Variants in POM121C observed in about 807,000 individuals in gnomAD.
The protein encoded by POM121C is POM121 transmembrane nucleoporin C.
A neutral mutation model predicts 66.4 loss-of-function variants in POM121C; 20 were observed. The observed-to-expected ratio is 0.30, with a 90% CI of 0.21 to 0.44. The LOEUF (loss-of-function observed/expected upper bound fraction) is 0.44, where lower values mean the gene tolerates loss of function less well. Among genes scored for constraint, POM121C ranks in the 20% least tolerant of loss-of-function variants. The pLI is 1.00. For synonymous variants in POM121C, 286 were observed against 528.0 expected, an observed-to-expected ratio of 0.54 and a Z score of 6.28; for missense variants, 580 against 1,225.7, an observed-to-expected ratio of 0.47 and a Z score of 7.87.
intron 3 of POM121C, among the ~76,000 whole-genome samples, chr7:75,464,512 T>C (rs1236898967): frequency 6.7e-6 from 1 of 149,972 alleles, no homozygotes; most frequent in Non-Finnish European, 1.5e-5. Flanking sequence ...GGTGGGAGAA[T>C]TGCCTGAGCA....
At chr7:75,479,035 G>A (rs1792202052) in intron 1 of POM121C, among the ~76,000 whole-genome samples, 2 of 151,124 alleles carry the variant, frequency 1.3e-5, no homozygotes, top group African/African-American at 4.9e-5. Flanking sequence ...GAACAAACAT[G>A]AGTATGAGAT....
intron 3 of POM121C, among the ~76,000 whole-genome samples, chr7:75,444,218 T>C (rs1335074663): frequency 2.5e-5 from 3 of 120,854 alleles, no homozygotes; most frequent in Non-Finnish European, 4.9e-5. Flanking sequence ...TTCTATTTAA[T>C]ATACTGTGAC....
chr7:75,461,289 A>G (rs1791433066), intron 3 of POM121C, among the ~76,000 whole-genome samples: 1 of 152,146 alleles, frequency 6.6e-6, no homozygotes, highest in African/African-American at 2.4e-5. Flanking sequence ...AGCAAACAAT[A>G]CAATAACTGA....
At chr7:75,451,244 G>T (rs1179261197) in intron 3 of POM121C, among the ~76,000 whole-genome samples, 2 of 151,532 alleles carry the variant, frequency 1.3e-5, no homozygotes, top group African/African-American at 4.9e-5. Context: ...AAGAACAAAG[G>T]TGGAGGCATA....
intron 3 of POM121C, among the ~76,000 whole-genome samples, chr7:75,456,117 T>C (rs1209552213): frequency 6.6e-6 from 1 of 152,154 alleles, no homozygotes; most frequent in Non-Finnish European, 1.5e-5. Flanking sequence ...CGTGAACCTG[T>C]AGTCCCAGCT....
At chr7:75,477,114 C>A (rs1156408720) in intron 1 of POM121C, among the ~76,000 whole-genome samples, 1 of 149,314 alleles carries the variant, frequency 6.7e-6, no homozygotes, top group Non-Finnish European at 1.5e-5. Flanking sequence ...CGTGTATACA[C>A]ACACACACAC....
At chr7:75,482,819 C>T (rs1792360373) in intron 1 of POM121C, among the ~76,000 whole-genome samples, 1 of 152,080 alleles carries the variant, frequency 6.6e-6, no homozygotes, top group Non-Finnish European at 1.5e-5. Context: ...TTGGAAGTAA[C>T]GGATGTCAAA....
chr7:75,465,697 G>A (rs1217225530), intron 3 of POM121C, among the ~76,000 whole-genome samples: 2 of 148,896 alleles, frequency 1.3e-5, no homozygotes, highest in African/African-American at 2.5e-5. Flanking sequence ...AGGTTGCAGT[G>A]AGCCAAGATT....
In POM121C at chr7:75,481,683, G is replaced by T. The variant is rs185911560; in HGVS notation, c.-458+4181C>A. Reference sequence around the variant, plus strand: ...TCTACTAAAAATTAAAAAATCAGCTGGGCATTGTGGCATATGACTATACTC... The same window carrying T: ...TCTACTAAAAATTAAAAAATCAGCTTGGCATTGTGGCATATGACTATACTC... On this transcript the variant is annotated intron_variant, in intron 1 of 14. Transcript: ENST00000615331. 5.5e-3 allele frequency among the ~76,000 whole-genome samples: 844 copies of T among 152,162 alleles called. 8 individuals carry two copies. Among genetic ancestry groups the T allele is most frequent in the African/African-American group, 0.019 (784 of 41,506 alleles).
chr7:75,441,643 G>A lies in POM121C; in HGVS notation c.-147C>T. ...ACAAACCGATCTGGTAAAGTCCCAC[G>A]ATCCCTGCAGAGAATGCGAGACAAA... On this transcript the variant is annotated 5_prime_UTR_variant, in exon 4 of 15. Transcript: ENST00000615331. 7.7e-6 allele frequency: 12 copies of A among 1,550,872 alleles called. No individual in the cohort carries two copies. Among genetic ancestry groups the A allele is most frequent in the South Asian group, 1.2e-5 (1 of 84,558 alleles).
At chr7:75,425,599 C>G in intron 9 of POM121C, 36 bp downstream of exon 9, 4 of 1,566,620 alleles carry the variant, frequency 2.6e-6, no homozygotes, top group Non-Finnish European at 3.5e-6. Flanking sequence ...ACCTCCACCA[C>G]CAACAGCAGC....
chr7:75,474,360 C>T (rs192930694), intron 3 of POM121C, among the ~76,000 whole-genome samples: 112 of 152,282 alleles, frequency 7.4e-4, no homozygotes, highest in African/African-American at 2.5e-3. Context: ...TACCAGTGCA[C>T]ATCAGCCTGG....
rs782391614 is a variant in POM121C, at chr7:75,418,890, G to A, written c.2870C>T (p.Ser957Leu). ...QGFVGVGPFG[S>L]AAPSFSIGAG... is the part of the protein sequence containing the mutation. ...ACCAATGGAAAATGAAGGGGCCGCC[G>A]ATCCTGGAAAGATTCAACAAGACCT... The change falls in exon 15 of 15, where the codon TCG becomes TTG. Residue 957 changes from serine to leucine, a missense_variant. Physicochemically the swap from Ser to Leu is moderately radical, Grantham distance 145. Coordinates refer to ENST00000615331, the MANE Select transcript of POM121C (RefSeq NM_001099415.3). 9 of 1,609,388 alleles carry A rather than the reference G, an allele frequency of 5.6e-6. No individual in the cohort carries two copies. Among genetic ancestry groups the A allele is most frequent in the Non-Finnish European group, 6.8e-6 (8 of 1,178,976 alleles).
chr7:75,476,733 C>T (rs587722039), intron 1 of POM121C, among the ~76,000 whole-genome samples: 85 of 152,198 alleles, frequency 5.6e-4, no homozygotes, highest in Admixed American at 2.8e-3. Flanking sequence ...ATACCACTTA[C>T]ATCAATACAA....
intron 7 of POM121C, among the ~76,000 whole-genome samples, chr7:75,427,065 C>T (rs1301235589): frequency 1.3e-5 from 2 of 149,710 alleles, no homozygotes; most frequent in Non-Finnish European, 3.0e-5. Context: ...GAAGACAACC[C>T]AGTAAACTAA....
chr7:75,433,863 A>G (rs1290703712), intron 7 of POM121C, among the ~76,000 whole-genome samples: 2 of 152,212 alleles, frequency 1.3e-5, no homozygotes, highest in East Asian at 3.8e-4. Context: ...ATTGTTTCCA[A>G]GCTGCTGTTA....
chr7:75,438,221 A>G (rs782166699), intron 6 of POM121C, among the ~76,000 whole-genome samples: 1 of 152,232 alleles, frequency 6.6e-6, no homozygotes, highest in African/African-American at 2.4e-5. Flanking sequence ...AACCTGTTAC[A>G]ATATAGACAA....
intron 3 of POM121C, among the ~76,000 whole-genome samples, chr7:75,456,582 C>T (rs1210378933): frequency 2.6e-5 from 4 of 152,342 alleles, no homozygotes; most frequent in Non-Finnish European, 5.9e-5. Context: ...ACAGTGGCTG[C>T]GGTGCAGGCT....
chr7:75,468,364 C>T (rs1791752529), intron 3 of POM121C, among the ~76,000 whole-genome samples: 1 of 135,442 alleles, frequency 7.4e-6, no homozygotes, highest in African/African-American at 2.8e-5. Context: ...GTCGCCCAGG[C>T]TGGAGTGCAG....
Sources: gnomAD v4.1 joint callset for allele counts (sites outside exome capture counted in the v4.1 genomes callset) on GRCh38, gnomAD v4.1.1 for gene constraint, MANE v1.5 for transcripts, NCBI Gene and HGNC (gene_info 2026-07-23, HGNC 2026-07-21) for gene names.